Variants in SSBP2 observed in about 807,000 individuals in gnomAD.
SSBP2 encodes single stranded DNA binding protein 2.
In SSBP2, 17 loss-of-function variants were observed where a neutral mutation model predicts 61.8. The observed-to-expected ratio is 0.28, with a 90% confidence interval of 0.19 to 0.41. The LOEUF is 0.41. Ranked by LOEUF, SSBP2 falls within the 10% of genes least tolerant of loss-of-function variation. The pLI is 1.00. For missense variants in SSBP2, 310 were observed against 458.7 expected (o/e 0.68, Z 2.96); for synonymous variants, 139 against 141.3 (o/e 0.98, Z 0.12).
intron 1 of SSBP2, among the ~76,000 whole-genome samples, chr5:81,731,583 A>G (rs1581438475): frequency 6.6e-6 from 1 of 152,136 alleles, no homozygotes; most frequent in East Asian, 1.9e-4. Context: ...TACCTTACCC[A>G]AATAAAGTTC....
At chr5:81,539,224 G>A (rs535119807) in intron 4 of SSBP2, among the ~76,000 whole-genome samples, 15 of 152,296 alleles carry the variant, frequency 9.8e-5, no homozygotes, top group Non-Finnish European at 1.8e-4. Flanking sequence ...TTGAGTGGAA[G>A]AAGTCACTGC....
intron 1 of SSBP2, among the ~76,000 whole-genome samples, chr5:81,713,433 A>C (rs1754939753): frequency 6.6e-6 from 1 of 152,158 alleles, no homozygotes; most frequent in Non-Finnish European, 1.5e-5. Flanking sequence ...AGTTTAGAAC[A>C]GGCATATCAC....
At chr5:81,587,659 G>A (rs1775158286) in intron 4 of SSBP2, among the ~76,000 whole-genome samples, 2 of 152,142 alleles carry the variant, frequency 1.3e-5, no homozygotes, top group East Asian at 1.9e-4. Context: ...GAGCCCAGGA[G>A]GTGGAGGTTG....
chr5:81,463,337 T>C (rs967271167), intron 9 of SSBP2, among the ~76,000 whole-genome samples: 4 of 152,178 alleles, frequency 2.6e-5, no homozygotes, highest in Non-Finnish European at 2.9e-5. Context: ...AATTATAACA[T>C]AGGAATTATT....
At chr5:81,643,850 G>A (rs1182596393) in intron 2 of SSBP2, among the ~76,000 whole-genome samples, 4 of 152,038 alleles carry the variant, frequency 2.6e-5, no homozygotes, top group Middle Eastern at 3.4e-3. Flanking sequence ...CAATCTGCCC[G>A]CGTCAGCCTC....
intron 1 of SSBP2, among the ~76,000 whole-genome samples, chr5:81,658,233 C>G (rs936968829): frequency 6.6e-6 from 1 of 152,146 alleles, no homozygotes; most frequent in Non-Finnish European, 1.5e-5. Flanking sequence ...CTACTGCCAG[C>G]CCGATGACCA....
intron 1 of SSBP2, among the ~76,000 whole-genome samples, chr5:81,659,242 G>T (rs1305496125): frequency 1.3e-5 from 2 of 152,158 alleles, no homozygotes; most frequent in Admixed American, 1.3e-4. Flanking sequence ...GTTCGTAGAT[G>T]ACATGACTCT....
intron 4 of SSBP2, among the ~76,000 whole-genome samples, chr5:81,555,760 A>C (rs906293340): frequency 2.6e-5 from 4 of 152,190 alleles, no homozygotes; most frequent in African/African-American, 9.6e-5. Flanking sequence ...ATCAATGTAC[A>C]ATCTGTATCA....
At chr5:81,438,076 G>A (rs973345331) in intron 14 of SSBP2, among the ~76,000 whole-genome samples, 8 of 152,068 alleles carry the variant, frequency 5.3e-5, no homozygotes, top group Non-Finnish European at 8.8e-5. Flanking sequence ...GAGACCGGGT[G>A]CAGTGGCTCA....
intron 5 of SSBP2, among the ~76,000 whole-genome samples, chr5:81,500,957 T>C (rs985684750): frequency 2.7e-5 from 4 of 150,736 alleles, no homozygotes; most frequent in Non-Finnish European, 4.4e-5. Flanking sequence ...CTCATGCCTG[T>C]AATCCCAGCA....
At chr5:81,713,375 G>A (rs1269975088) in intron 1 of SSBP2, among the ~76,000 whole-genome samples, 3 of 151,658 alleles carry the variant, frequency 2.0e-5, no homozygotes, top group Non-Finnish European at 4.4e-5. Context: ...TTATTCTCTT[G>A]GTGGAGATTT....
intron 4 of SSBP2, among the ~76,000 whole-genome samples, chr5:81,549,276 A>C (rs573212523): frequency 4.7e-4 from 72 of 152,290 alleles, no homozygotes; most frequent in African/African-American, 1.7e-3. Flanking sequence ...CTTTCTCTTC[A>C]TCAATCAATC....
intron 3 of SSBP2, among the ~76,000 whole-genome samples, chr5:81,625,005 C>T (rs1172727414): frequency 6.6e-6 from 1 of 152,066 alleles, no homozygotes; most frequent in Non-Finnish European, 1.5e-5. Flanking sequence ...CTCACTTGCT[C>T]AAAATTGCTC....
rs1581242788 is a variant in SSBP2 at position 81,646,250 on chromosome 5, G to GAA, written c.135+4015_135+4016dup. On this transcript the variant is annotated intron_variant, in intron 2 of 16. Transcript: ENST00000320672. ...CCTTCTTAGCCTCATCTATCCAGAG[G>GAA]AAGAATGTCAAATTTGGAAGAAGTG... 3.3e-5 allele frequency among the ~76,000 whole-genome samples: 5 copies of GAA among 152,244 alleles called. No individual in the cohort carries two copies. The East Asian group carries it at 9.7e-4, about 29-fold the overall frequency.
chr5:81,594,498 G>C (rs187877743), intron 4 of SSBP2, among the ~76,000 whole-genome samples: 2 of 152,104 alleles, frequency 1.3e-5, no homozygotes, highest in African/African-American at 2.4e-5. Context: ...GGACCTAACA[G>C]ACATTTACAG....
chr5:81,475,505 T>C (rs1335860847), intron 6 of SSBP2, among the ~76,000 whole-genome samples: 1 of 152,096 alleles, frequency 6.6e-6, no homozygotes, highest in African/African-American at 2.4e-5. Flanking sequence ...AATACATATT[T>C]CTTGAGATCC....
At chr5:81,643,319 T>C (rs1458401989) in intron 2 of SSBP2, among the ~76,000 whole-genome samples, 1 of 152,174 alleles carries the variant, frequency 6.6e-6, no homozygotes, top group Non-Finnish European at 1.5e-5. Context: ...CTTTTCATAG[T>C]ACCCATAAAT....
intron 13 of SSBP2, among the ~76,000 whole-genome samples, chr5:81,442,009 A>G (rs981876058): frequency 2.6e-5 from 4 of 152,140 alleles, no homozygotes; most frequent in Non-Finnish European, 5.9e-5. Flanking sequence ...ATATAAATAT[A>G]TATCTTCTGA....
At chr5:81,538,262 C>T (rs1163545356) in intron 4 of SSBP2, among the ~76,000 whole-genome samples, 1 of 152,158 alleles carries the variant, frequency 6.6e-6, no homozygotes, top group Admixed American at 6.6e-5. Context: ...ATCAAACCAG[C>T]CACAACATTT....
Sources: allele counts gnomAD v4.1 joint callset (sites outside exome capture counted in the v4.1 genomes callset), GRCh38; gene constraint gnomAD v4.1.1; transcripts MANE v1.5; gene names NCBI Gene and HGNC (gene_info 2026-07-23, HGNC 2026-07-21).